SEMA5A: variants seen among roughly 807,000 people sequenced by gnomAD.
The protein encoded by SEMA5A is semaphorin 5A.
In SEMA5A, 55 loss-of-function variants were observed where a neutral mutation model predicts 135.5. The ratio of observed to expected loss-of-function variants is 0.41; its 90% CI spans 0.33 to 0.51. The LOEUF is 0.51. Among genes scored for constraint, SEMA5A ranks in the 20% least tolerant of loss-of-function variants. The pLI, the probability that SEMA5A is intolerant of heterozygous loss-of-function variation, is 0.37. For synonymous variants in SEMA5A, 580 were observed against 546.5 expected (o/e 1.06, Z -0.85); for missense variants, 1,290 against 1,419.9 (o/e 0.91, Z 1.47).
intron 1 of SEMA5A, among the ~76,000 whole-genome samples, chr5:9,450,759 A>G (rs1046760632): frequency 1.3e-5 from 2 of 150,402 alleles, no homozygotes; most frequent in African/African-American, 4.9e-5. Context: ...ACCACATCAA[A>G]AAAAAAAAAA....
chr5:9,315,136 T>A (rs1422361226), intron 5 of SEMA5A, among the ~76,000 whole-genome samples: 1 of 152,194 alleles, frequency 6.6e-6, no homozygotes, highest in Non-Finnish European at 1.5e-5. Flanking sequence ...TATTTGGACA[T>A]CATGTCAGTA....
chr5:9,421,616 T>C (rs1757471640), intron 2 of SEMA5A, among the ~76,000 whole-genome samples: 1 of 152,214 alleles, frequency 6.6e-6, no homozygotes, highest in African/African-American at 2.4e-5. Context: ...TTCCAAAATA[T>C]GTAAGTAATT....
intron 8 of SEMA5A, among the ~76,000 whole-genome samples, chr5:9,213,312 A>G (rs574578280): frequency 6.6e-6 from 1 of 152,336 alleles, no homozygotes; most frequent in Admixed American, 6.5e-5. Flanking sequence ...TGCTGTAAGC[A>G]TGTGGGACCC....
chr5:9,290,146 C>A (rs1318834147), intron 5 of SEMA5A, among the ~76,000 whole-genome samples: 2 of 152,056 alleles, frequency 1.3e-5, no homozygotes, highest in African/African-American at 4.8e-5. Context: ...TTTGGGGGCA[C>A]CTATCACCCA....
At chr5:9,257,526 T>C (rs537380482) in intron 5 of SEMA5A, among the ~76,000 whole-genome samples, 16 of 151,808 alleles carry the variant, frequency 1.1e-4, no homozygotes, top group Non-Finnish European at 1.9e-4. Context: ...TCCTGGAAAA[T>C]GTCCATGAAA....
rs1177838892 is a variant in SEMA5A, at chr5:9,204,559, T to C, written c.647-2319A>G. On this transcript the variant is annotated intron_variant, in intron 8 of 22. Transcript: ENST00000382496. The surrounding 1 kb of genome is among the most constrained non-coding windows in gnomAD (Gnocchi z 6.4). ...GCCAAGATCTGTGCTTGGTGCTTTA[T>C]ATCCCCATTGAACTCACAAGAATCA... Among the ~76,000 whole-genome samples the C allele has an allele frequency of 6.6e-6, 1 of 152,264 alleles. No individual in the cohort carries two copies. The highest frequency in any genetic ancestry group is 2.1e-4 in the South Asian group (1 of 4,832).
At chr5:9,105,841 T>C (rs1203049937) in intron 16 of SEMA5A, among the ~76,000 whole-genome samples, 1 of 152,226 alleles carries the variant, frequency 6.6e-6, no homozygotes, top group Non-Finnish European at 1.5e-5. Context: ...TGGACAAAGA[T>C]TTACGAACTG....
chr5:9,526,425 A>AT (rs1579687486), intron 1 of SEMA5A, among the ~76,000 whole-genome samples: 1 of 152,144 alleles, frequency 6.6e-6, no homozygotes, highest in African/African-American at 2.4e-5. Context: ...CAGTTCATTG[A>AT]TTTTTTCAAA....
At chr5:9,186,967 G>A (rs1028850802) in intron 11 of SEMA5A, among the ~76,000 whole-genome samples, 13 of 151,688 alleles carry the variant, frequency 8.6e-5, no homozygotes, top group Admixed American at 1.3e-4. Context: ...TATCCCTCCC[G>A]CTTCTATATC....
At chr5:9,505,574 G>A (rs892767910) in intron 1 of SEMA5A, among the ~76,000 whole-genome samples, 8 of 152,168 alleles carry the variant, frequency 5.3e-5, no homozygotes, top group Admixed American at 3.9e-4. Flanking sequence ...CCCCTGAAGC[G>A]CTTGCAGGAG....
chr5:9,477,787 A>C (rs557616265), intron 1 of SEMA5A, among the ~76,000 whole-genome samples: 4 of 152,366 alleles, frequency 2.6e-5, no homozygotes, highest in African/African-American at 9.6e-5. Context: ...GGGAAGCAGA[A>C]CATAAAAGAT....
intron 3 of SEMA5A, among the ~76,000 whole-genome samples, chr5:9,379,047 T>C (rs1031902135): frequency 2.0e-5 from 3 of 152,136 alleles, no homozygotes; most frequent in Admixed American, 6.5e-5. Flanking sequence ...GGCTGCATGC[T>C]CCTTAGACTA....
At chr5:9,379,788 G>A (rs892814103) in intron 3 of SEMA5A, 35 bp downstream of exon 3, 9 of 1,601,728 alleles carry the variant, frequency 5.6e-6, no homozygotes, top group Non-Finnish European at 7.7e-6. Flanking sequence ...GCATTTAGAT[G>A]ACGGCTTTGC....
At chr5:9,441,811 C>T (rs1273281170) in intron 1 of SEMA5A, among the ~76,000 whole-genome samples, 1 of 152,106 alleles carries the variant, frequency 6.6e-6, no homozygotes, top group African/African-American at 2.4e-5. Context: ...GCATGGAGAG[C>T]TCAAAAGAGG....
intron 21 of SEMA5A, among the ~76,000 whole-genome samples, chr5:9,049,193 A>G (rs1468818711): frequency 6.6e-6 from 1 of 151,220 alleles, no homozygotes; most frequent in Non-Finnish European, 1.5e-5. Context: ...GCAGAGTCTC[A>G]TTCTGTCGCC....
At chr5:9,217,142 C>T (rs1370369039) in intron 8 of SEMA5A, among the ~76,000 whole-genome samples, 3 of 152,194 alleles carry the variant, frequency 2.0e-5, no homozygotes, top group Admixed American at 6.5e-5. Flanking sequence ...ATATTTAGTG[C>T]TCCTTTCAAG....
chr5:9,297,907 C>T (rs1579301032), intron 5 of SEMA5A, among the ~76,000 whole-genome samples: 1 of 152,046 alleles, frequency 6.6e-6, no homozygotes, highest in Non-Finnish European at 1.5e-5. Flanking sequence ...TACAAGTTAC[C>T]CAGCCTAGGG....
At chr5:9,341,673 ATT>A (rs1491403267) in intron 3 of SEMA5A, among the ~76,000 whole-genome samples, 2 of 145,264 alleles carry the variant, frequency 1.4e-5, no homozygotes, top group Non-Finnish European at 3.0e-5. Flanking sequence ...TATAATATAT[ATT>A]ATATATATAT....
At chr5:9,298,181 T>C (rs1438117288) in intron 5 of SEMA5A, among the ~76,000 whole-genome samples, 3 of 145,202 alleles carry the variant, frequency 2.1e-5, no homozygotes, top group Non-Finnish European at 3.0e-5. Context: ...CCATAATCCA[T>C]ATGTGTCCTA....
Sources: gnomAD v4.1 joint callset for allele counts (sites outside exome capture counted in the v4.1 genomes callset) on GRCh38, gnomAD v4.1.1 for gene constraint, Gnocchi (gnomAD v3.1) non-coding constraint, MANE v1.5 for transcripts, NCBI Gene and HGNC (gene_info 2026-07-23, HGNC 2026-07-21) for gene names.